Variants in GPR157 observed in about 807,000 individuals in gnomAD.
The protein encoded by GPR157 is G-protein coupled receptor 157.
In GPR157, 16 loss-of-function variants were observed where a neutral mutation model predicts 23.5. That is an observed-to-expected ratio of 0.68 (90% confidence interval 0.46 to 1.04). The LOEUF is 1.04. Ranked by LOEUF, GPR157 falls within the 50% of genes least tolerant of loss-of-function variation. GPR157 has a pLI of 0.00. For synonymous variants in GPR157, 200 were observed against 221.5 expected (o/e 0.90, Z 0.86); for missense variants, 440 against 460.7 (o/e 0.96, Z 0.41).
In GPR157 at chr1:9,106,920, C is replaced by T. The variant is rs577611247; in HGVS notation, c.598-1240G>A. 1.3e-4 allele frequency among the ~76,000 whole-genome samples: 20 copies of T among 152,162 alleles called. No individual in the cohort carries two copies. In the East Asian group the frequency reaches 1.9e-3, roughly 15 times the overall value. The stretch of plus-strand genomic sequence containing the variant: ...TGGAGGTTGCAGTGAGCCAAGATCG[C>T]GCCACTGCACTCCAGCCTGGGCAAC... On this transcript the variant is annotated intron_variant, in intron 2 of 3. Transcript: ENST00000377411.
Position 9,118,097 on chromosome 1 carries a change from G to A in GPR157, c.384-6608C>T, listed in dbSNP as rs1179189925. ...CTAAACCTGAGACTGACAAGCTGGCGCCAGTGCCAGGTCACCTGAGGAGCA... is the reference window on the plus strand; with the variant it reads ...CTAAACCTGAGACTGACAAGCTGGCACCAGTGCCAGGTCACCTGAGGAGCA... On this transcript the variant is annotated intron_variant, in intron 1 of 3. Transcript: ENST00000377411. The surrounding 1 kb of genome is among the most constrained non-coding windows in gnomAD (Gnocchi z 4.6). 3.9e-5 allele frequency among the ~76,000 whole-genome samples: 6 copies of A among 152,206 alleles called. No homozygotes were observed. The highest frequency in any genetic ancestry group is 5.9e-5 in the Non-Finnish European group (4 of 68,042).
chr1:9,104,285 A>G lies in GPR157; in HGVS notation c.*134T>C, dbSNP rs920395553. Reference sequence around the variant, plus strand: ...AGCTGAGTTGGCAGCTGCTCTCCCAATGGAGCCGAGAGCATCAATAGCGGG... The same window carrying G: ...AGCTGAGTTGGCAGCTGCTCTCCCAGTGGAGCCGAGAGCATCAATAGCGGG... On this transcript the variant is annotated 3_prime_UTR_variant, in exon 4 of 4. Coordinates refer to ENST00000377411, the MANE Select transcript of GPR157 (RefSeq NM_024980.5). 14 of 661,424 alleles carry G rather than the reference A, an allele frequency of 2.1e-5. No homozygotes were observed. The highest frequency in any genetic ancestry group is 5.5e-5 in the African/African-American group (3 of 54,944). The allele number at this position is 661,424 out of a possible 1,614,324, so 41.0% of individuals were successfully genotyped here. A position where few individuals can be genotyped will look rare whatever the true frequency, so the allele number is the denominator to read the frequency against.
chr1:9,112,903 A>G (rs1638544574), intron 1 of GPR157, among the ~76,000 whole-genome samples: 1 of 152,162 alleles, frequency 6.6e-6, no homozygotes, highest in Non-Finnish European at 1.5e-5. Context: ...GTAGTGGGGT[A>G]GTTAAGAGCT....
intron 1 of GPR157, 73 bp from the exon 2 acceptor site, chr1:9,111,562 G>A (rs1638498181): frequency 4.9e-6 from 6 of 1,228,486 alleles, no homozygotes; most frequent in Non-Finnish European, 7.1e-6. Context: ...TCGCAAAAAT[G>A]ACGGAGGACG....
At chr1:9,123,743 A>T (rs556380265) in intron 1 of GPR157, among the ~76,000 whole-genome samples, 77 of 103,976 alleles carry the variant, frequency 7.4e-4, no homozygotes, top group African/African-American at 2.3e-3. Flanking sequence ...TATATATTTA[A>T]TATTATATAT....
At position 9,120,407 on chromosome 1, in the gene GPR157, AG is replaced by A. The variant is rs375617885; in HGVS notation, c.383+8237del. Among the ~76,000 whole-genome samples, 4 of 152,344 alleles carry A rather than the reference AG, an allele frequency of 2.6e-5. No homozygotes were observed. The East Asian group carries it at 5.8e-4, about 22-fold the overall frequency. ...AGACCTGGGGATGTTAACATAACTC[AG>A]AAAACGCTTTGAGAACCAAACTCTT... is the stretch of plus-strand genomic sequence containing the variant. On this transcript the variant is annotated intron_variant, in intron 1 of 3. Coordinates refer to ENST00000377411, the MANE Select transcript of GPR157 (RefSeq NM_024980.5). The surrounding 1 kb of genome is among the most constrained non-coding windows in gnomAD (Gnocchi z 4.1).
chr1:9,116,180 T>TTATATTA (rs371363225), intron 1 of GPR157, among the ~76,000 whole-genome samples: 2,876 of 5,618 alleles, frequency 0.51, 1,383 homozygotes, highest in East Asian at 0.71. Context: ...ATTATATATA[T>TTATATTA]TATATATATA....
At chr1:9,112,299 A>T (rs1033705382) in intron 1 of GPR157, among the ~76,000 whole-genome samples, 1 of 152,218 alleles carries the variant, frequency 6.6e-6, no homozygotes, top group Non-Finnish European at 1.5e-5. Flanking sequence ...TACCTTCGGC[A>T]GGCTCTAGGA....
In GPR157 at chr1:9,105,810, G is replaced by T; in HGVS notation, c.598-130C>A. ...TAGGGGAGATGTGTGGTGGAGCCCG[G>T]ATCCTTCTCCTGAACCCTGACTGCT... On this transcript the variant is annotated intron_variant, in intron 2 of 3. Coordinates refer to ENST00000377411, the MANE Select transcript of GPR157 (RefSeq NM_024980.5). This position sits in a 1 kb window ranked among gnomAD's most constrained non-coding sequence, Gnocchi z 4.8. 1 of 725,296 alleles carries T rather than the reference G, an allele frequency of 1.4e-6. No individual in the cohort carries two copies. Among genetic ancestry groups the T allele is most frequent in the Non-Finnish European group, 2.2e-6 (1 of 446,370 alleles). The allele number at this position is 725,296 out of a possible 1,614,324, so 44.9% of individuals were successfully genotyped here. A position where few individuals can be genotyped will look rare whatever the true frequency, so the allele number is the denominator to read the frequency against.
At chr1:9,116,944 T>C (rs1245370085) in intron 1 of GPR157, among the ~76,000 whole-genome samples, 1 of 152,048 alleles carries the variant, frequency 6.6e-6, no homozygotes, top group Non-Finnish European at 1.5e-5. Context: ...GCTTGCTTTA[T>C]TGCCCAGGCT....
In GPR157 at chr1:9,105,447, G is replaced by GGGGGCAGGGACGACAA. The variant is rs764348530; in HGVS notation, c.792+23_792+38dup. On this transcript the variant is annotated intron_variant, in intron 3 of 3. Transcript: ENST00000377411. This position sits in a 1 kb window ranked among gnomAD's most constrained non-coding sequence, Gnocchi z 4.8. ...GAAGGAATCAGGCTGTGCCTCCTCT[G>GGGGGCAGGGACGACAA]GGGGCAGGGACGACAAGGGCCAGGG... The GGGGGCAGGGACGACAA allele has an allele frequency of 7.3e-6, 11 of 1,497,890 alleles. No homozygotes were observed. The allele number at this position is 1,497,890 out of a possible 1,614,324, so 92.8% of individuals were successfully genotyped here.
chr1:9,106,167 C>A (rs1426755101), intron 2 of GPR157, among the ~76,000 whole-genome samples: 3 of 152,184 alleles, frequency 2.0e-5, no homozygotes, highest in Non-Finnish European at 4.4e-5. Context: ...TCTCAAAGTG[C>A]TGGGATTACA....
chr1:9,127,851 A>G (rs989184722), intron 1 of GPR157, among the ~76,000 whole-genome samples: 5 of 152,206 alleles, frequency 3.3e-5, no homozygotes, highest in African/African-American at 1.2e-4. Context: ...TCAGTTCAGC[A>G]CAGCACAGGA....
At position 9,104,520 on chromosome 1, in the gene GPR157, G is replaced by A; in HGVS notation, c.907C>T (p.Pro303Ser). Residue 303 changes from proline to serine, a missense_variant, in exon 4 of 4, where the codon CCC becomes TCC. Pro to Ser is a moderately conservative substitution (Grantham distance 74). Coordinates refer to ENST00000377411, the MANE Select transcript of GPR157 (RefSeq NM_024980.5). Reference protein sequence around the residue: ...LCCCCCSSQPPTKSPAGTPKA... With the variant: ...LCCCCCSSQPSTKSPAGTPKA... ...GGAGTGCCAGCCGGGCTCTTGGTGG[G>A]AGGCTGAGAAGAGCAGCAGCAGCAA... 1 of 1,613,898 alleles carries A rather than the reference G, an allele frequency of 6.2e-7. No individual in the cohort carries two copies. Among genetic ancestry groups the A allele is most frequent in the Non-Finnish European group, 8.5e-7 (1 of 1,179,996 alleles).
intron 1 of GPR157, among the ~76,000 whole-genome samples, chr1:9,116,895 C>T (rs1487050634): frequency 6.6e-6 from 1 of 151,992 alleles, no homozygotes; most frequent in Non-Finnish European, 1.5e-5. Context: ...ACACATGCTA[C>T]CATGCCCGGC....
At position 9,128,832 on chromosome 1, in the gene GPR157, A is replaced by G. The variant is rs1430624823; in HGVS notation, c.196T>C (p.Tyr66His). ...ADLLSAASYF[Y>H]GVLQNFAGPS... is the part of the protein sequence containing the mutation. ...CCCGCGAAGTTCTGCAGCACTCCGT[A>G]GAAGTAGGAGGCGGCCGAGAGCAGG... The change falls in exon 1 of 4, where the codon TAC (tyrosine) becomes CAC (histidine). Residue 66 changes from tyrosine to histidine, a missense_variant. Coordinates refer to ENST00000377411, the MANE Select transcript of GPR157 (RefSeq NM_024980.5). This position sits in a 1 kb window ranked among gnomAD's most constrained non-coding sequence, Gnocchi z 6.3. The G allele has an allele frequency of 6.2e-7, 1 of 1,606,644 alleles. No homozygotes were observed. The highest frequency in any genetic ancestry group is 1.3e-5 in the African/African-American group (1 of 74,904).
At position 9,104,384 on chromosome 1, in the gene GPR157, C is replaced by G. The variant is rs999078145; in HGVS notation, c.*35G>C. ...ACAGAAGTGCCTACCCCCAGGAAGG[C>G]AGCACCTATGCACAGAACTAGAAAG... On this transcript the variant is annotated 3_prime_UTR_variant, in exon 4 of 4. Coordinates refer to ENST00000377411, the MANE Select transcript of GPR157 (RefSeq NM_024980.5). The G allele has an allele frequency of 2.0e-6, 3 of 1,532,980 alleles. No homozygotes were observed. The highest frequency in any genetic ancestry group is 2.7e-6 in the Non-Finnish European group (3 of 1,109,890). 95.0% of individuals were successfully genotyped at this position (1,532,980 alleles called of 1,614,324 possible).
chr1:9,128,085 CA>C lies in GPR157; in HGVS notation c.383+559del, dbSNP rs1248298709. 2.6e-5 allele frequency among the ~76,000 whole-genome samples: 4 copies of C among 152,162 alleles called. No homozygotes were observed. The highest frequency in any genetic ancestry group is 4.8e-5 in the African/African-American group (2 of 41,438). On this transcript the variant is annotated intron_variant, in intron 1 of 3. Coordinates refer to ENST00000377411, the MANE Select transcript of GPR157 (RefSeq NM_024980.5). The surrounding 1 kb of genome is among the most constrained non-coding windows in gnomAD (Gnocchi z 6.3). Reference sequence around the variant, plus strand: ...GTCAAGATCATCTAGAACAGAAATACAAGGGGCTGGGGCCTGAGGCTAGAAA... The same window carrying C: ...GTCAAGATCATCTAGAACAGAAATACAGGGGCTGGGGCCTGAGGCTAGAAA...
At chr1:9,127,144 G>A (rs1051534486) in intron 1 of GPR157, among the ~76,000 whole-genome samples, 3 of 152,052 alleles carry the variant, frequency 2.0e-5, no homozygotes, top group African/African-American at 7.2e-5. Flanking sequence ...CTCCCAAAGT[G>A]CTGGGATTAC....
Sources: allele counts gnomAD v4.1 joint callset (sites outside exome capture counted in the v4.1 genomes callset), GRCh38; gene constraint gnomAD v4.1.1; non-coding constraint Gnocchi (gnomAD v3.1); transcripts MANE v1.5; gene names NCBI Gene and HGNC (gene_info 2026-07-23, HGNC 2026-07-21).